Variants in DHRSX observed in about 807,000 individuals in gnomAD.
The protein encoded by DHRSX is dehydrogenase/reductase X-linked.
DHRSX carries 31 observed loss-of-function variants against 34.0 expected under a neutral mutation model. The observed-to-expected ratio is 0.91, with a 90% CI of 0.69 to 1.23. The LOEUF (loss-of-function observed/expected upper bound fraction) is 1.23. Ranked by LOEUF, DHRSX falls within the 50% of genes most tolerant of loss-of-function variation. DHRSX has a pLI of 0.00. For synonymous variants in DHRSX, 201 were observed against 183.8 expected (o/e 1.09, Z -0.76); for missense variants, 414 against 428.1 (o/e 0.97, Z 0.29).
intron 4 of DHRSX, among the ~76,000 whole-genome samples, chrX:2,267,531 G>A (rs1169404565): frequency 5.8e-5 from 8 of 138,214 alleles, no homozygotes; most frequent in Middle Eastern, 3.8e-3. Flanking sequence ...GTGACAGAGC[G>A]AGACTCCATC....
At chrX:2,259,395 GAT>G (rs34990707) in intron 5 of DHRSX, among the ~76,000 whole-genome samples, 12,977 of 124,042 alleles carry the variant, frequency 0.1, 789 homozygotes, top group Non-Finnish European at 0.13. Context: ...TAGATATATA[GAT>G]ATATATATAG....
intron 3 of DHRSX, among the ~76,000 whole-genome samples, chrX:2,408,241 A>C (rs1569497986): frequency 6.6e-6 from 1 of 151,434 alleles, no homozygotes; most frequent in Non-Finnish European, 1.5e-5. Context: ...ATGCCTGGCT[A>C]ATTTTTGTAT....
At chrX:2,383,426 T>C (rs1025169875) in intron 3 of DHRSX, among the ~76,000 whole-genome samples, 29 of 151,830 alleles carry the variant, frequency 1.9e-4, no homozygotes, top group African/African-American at 6.8e-4. Context: ...ATCACCATCA[T>C]CACAGTCATT....
At chrX:2,314,765 T>C (rs2042222169) in intron 3 of DHRSX, among the ~76,000 whole-genome samples, 1 of 152,026 alleles carries the variant, frequency 6.6e-6, no homozygotes, top group Admixed American at 6.6e-5. Flanking sequence ...TTGGGCAAGA[T>C]AAAAAAATCA....
chrX:2,244,050 C>A (rs186875625), intron 5 of DHRSX, among the ~76,000 whole-genome samples: 1 of 152,096 alleles, frequency 6.6e-6, no homozygotes, highest in Non-Finnish European at 1.5e-5. Context: ...GGATGACAGG[C>A]ATGAGCCACC....
chrX:2,410,649 G>A (rs1286789292), intron 2 of DHRSX, among the ~76,000 whole-genome samples: 9 of 152,166 alleles, frequency 5.9e-5, no homozygotes, highest in Non-Finnish European at 1.0e-4. Context: ...TCTGTGTTAA[G>A]GCCATGGGCT....
At chrX:2,310,095 G>C (rs779101742) in intron 3 of DHRSX, among the ~76,000 whole-genome samples, 58 of 152,164 alleles carry the variant, frequency 3.8e-4, no homozygotes, top group African/African-American at 1.4e-3. Context: ...GAGTGTCTTG[G>C]TAAGCCAGAA....
intron 3 of DHRSX, among the ~76,000 whole-genome samples, chrX:2,295,544 T>C (rs1013419094): frequency 6.6e-6 from 1 of 152,166 alleles, no homozygotes; most frequent in Non-Finnish European, 1.5e-5. Context: ...TTGCACGTTC[T>C]GTACATGTAT....
intron 3 of DHRSX, among the ~76,000 whole-genome samples, chrX:2,304,891 A>G (rs2042081237): frequency 1.3e-5 from 2 of 152,164 alleles, no homozygotes; most frequent in South Asian, 4.1e-4. Context: ...TTCTATTATA[A>G]AGATACAGGC....
intron 4 of DHRSX, among the ~76,000 whole-genome samples, chrX:2,286,507 C>T (rs773453900): frequency 5.8e-4 from 88 of 152,262 alleles, no homozygotes; most frequent in African/African-American, 2.0e-3. Context: ...CTTTCCAAGC[C>T]CATGGGCTTC....
At chrX:2,490,263 G>A in intron 1 of DHRSX, 2 of 1,613,834 alleles carry the variant, frequency 1.2e-6, no homozygotes, top group Non-Finnish European at 1.7e-6. Context: ...GCCGTCTTCA[G>A]CAGCACCTTG....
chrX:2,260,135 C>A (rs1219911326), intron 5 of DHRSX, among the ~76,000 whole-genome samples: 25 of 141,894 alleles, frequency 1.8e-4, no homozygotes, highest in African/African-American at 3.2e-4. Context: ...CTCCACGTGG[C>A]CTTCTCCTCT....
intron 1 of DHRSX, among the ~76,000 whole-genome samples, chrX:2,491,772 C>T (rs1410859679): frequency 6.6e-6 from 1 of 152,224 alleles, no homozygotes; most frequent in Non-Finnish European, 1.5e-5. Flanking sequence ...TGTCCAGTCA[C>T]ACCTGTGGGC....
At chrX:2,270,717 A>T (rs947443235) in intron 4 of DHRSX, among the ~76,000 whole-genome samples, 13 of 152,112 alleles carry the variant, frequency 8.5e-5, no homozygotes, top group Non-Finnish European at 1.9e-4. Flanking sequence ...GTGGATGGAG[A>T]TCTGCTGCTT....
chrX:2,482,223 T>A (rs886271223), intron 1 of DHRSX, among the ~76,000 whole-genome samples: 8 of 151,880 alleles, frequency 5.3e-5, no homozygotes, highest in African/African-American at 9.7e-5. Flanking sequence ...TCCAACTCCC[T>A]GGCTCAAGTG....
chrX:2,457,844 C>A (rs2044329146), intron 1 of DHRSX, among the ~76,000 whole-genome samples: 1 of 151,756 alleles, frequency 6.6e-6, no homozygotes, highest in African/African-American at 2.4e-5. Flanking sequence ...TAAGGGACCA[C>A]CACCATGTAC....
intron 1 of DHRSX, among the ~76,000 whole-genome samples, chrX:2,477,123 T>C (rs2044692172): frequency 1.3e-5 from 2 of 152,218 alleles, no homozygotes; most frequent in Admixed American, 1.3e-4. Flanking sequence ...GACTTCACGA[T>C]GCCAACATGA....
At position 2,373,366 on chromosome X, in the gene DHRSX, A is replaced by T. The variant is rs1439070588; in HGVS notation, c.286+35379T>A. Among the ~76,000 whole-genome samples the T allele has an allele frequency of 5.3e-5, 8 of 152,266 alleles. No individual in the cohort carries two copies. In the East Asian group the frequency reaches 1.5e-3, roughly 29 times the overall value. On this transcript the variant is annotated intron_variant, in intron 3 of 6. Transcript: ENST00000334651. ...CTCTTTTCAGAGGAGACCTTTCAAA[A>T]GAAACATCATCTAGGGAAGCTATGC...
chrX:2,460,359 C>T (rs1223777484), intron 1 of DHRSX, among the ~76,000 whole-genome samples: 1 of 152,082 alleles, frequency 6.6e-6, no homozygotes, highest in Non-Finnish European at 1.5e-5. Context: ...AATAGCCCAG[C>T]TGGGAAGAAA....
Sources: gnomAD v4.1 joint callset for allele counts (sites outside exome capture counted in the v4.1 genomes callset) on GRCh38, gnomAD v4.1.1 for gene constraint, MANE v1.5 for transcripts, NCBI Gene and HGNC (gene_info 2026-07-23, HGNC 2026-07-21) for gene names.